The following PCSK6 variants were observed in gnomAD, a reference collection of about 807,000 sequenced individuals.
PCSK6 encodes proprotein convertase subtilisin/kexin type 6, also known as paired basic amino acid cleaving enzyme 4.
In PCSK6, 85 loss-of-function variants were observed where a neutral mutation model predicts 123.3. The observed-to-expected ratio is 0.69, with a 90% CI of 0.58 to 0.83. The LOEUF (loss-of-function observed/expected upper bound fraction) is 0.83, where lower values mean the gene tolerates loss of function less well. PCSK6 is among the 40% of genes least tolerant of loss of function. The pLI, the probability that PCSK6 is intolerant of heterozygous loss-of-function variation, is 0.00. For missense variants in PCSK6, 1,191 were observed against 1,282.3 expected (o/e 0.93, Z 1.09); for synonymous variants, 508 against 516.0 (o/e 0.98, Z 0.21).
chr15:101,457,131 C>T (rs991137724), intron 1 of PCSK6, among the ~76,000 whole-genome samples: 3 of 152,030 alleles, frequency 2.0e-5, no homozygotes, highest in Admixed American at 6.6e-5. Flanking sequence ...AAGATCGTGC[C>T]ACCGCACTCC....
intron 1 of PCSK6, among the ~76,000 whole-genome samples, chr15:101,449,621 G>A (rs998855926): frequency 3.9e-5 from 6 of 152,160 alleles, no homozygotes; most frequent in African/African-American, 9.7e-5. Flanking sequence ...GTACATGTCA[G>A]CTTCACCTGA....
intron 1 of PCSK6, among the ~76,000 whole-genome samples, chr15:101,488,224 C>A (rs2058065406): frequency 6.6e-6 from 1 of 152,308 alleles, no homozygotes; most frequent in East Asian, 1.9e-4. Context: ...AGTTATGAGT[C>A]GGTGCTTCCC....
rs1229849735 is a variant in PCSK6, at chr15:101,389,595, G to C, written c.1210-31C>G. The C allele has an allele frequency of 1.9e-6, 3 of 1,546,810 alleles. No homozygotes were observed. The Admixed American group carries it at 5.2e-5, about 27-fold the overall frequency. ...GGAGAGAGAAGCACAGTGAGGCAGTGATGGCAGACAGGCTAACTCACTCTG... is the reference window on the plus strand; with the variant it reads ...GGAGAGAGAAGCACAGTGAGGCAGTCATGGCAGACAGGCTAACTCACTCTG... On this transcript the variant is annotated intron_variant, in intron 8 of 21. Transcript: ENST00000611716.
At chr15:101,434,700 A>G (rs902394111) in intron 2 of PCSK6, among the ~76,000 whole-genome samples, 7 of 152,204 alleles carry the variant, frequency 4.6e-5, no homozygotes, top group Non-Finnish European at 5.9e-5. Flanking sequence ...TCTCAGGCCA[A>G]TGGAACCGAA....
intron 13 of PCSK6, among the ~76,000 whole-genome samples, chr15:101,341,297 G>A (rs1316719057): frequency 6.8e-6 from 1 of 146,286 alleles, no homozygotes; most frequent in Non-Finnish European, 1.5e-5. Flanking sequence ...TATCCAGGCT[G>A]GAGTGCAGTG....
intron 13 of PCSK6, among the ~76,000 whole-genome samples, chr15:101,358,087 G>A (rs998477178): frequency 2.6e-5 from 4 of 152,160 alleles, no homozygotes; most frequent in Non-Finnish European, 5.9e-5. Flanking sequence ...CCAGTGGATC[G>A]GGTGGGGAAG....
At chr15:101,478,350 C>T (rs556286884) in intron 1 of PCSK6, among the ~76,000 whole-genome samples, 25 of 152,190 alleles carry the variant, frequency 1.6e-4, no homozygotes, top group Admixed American at 1.2e-3. Flanking sequence ...ATCCGAGGAC[C>T]CAGTTGCTAT....
At chr15:101,353,019 C>T (rs965322616) in intron 13 of PCSK6, among the ~76,000 whole-genome samples, 5 of 152,152 alleles carry the variant, frequency 3.3e-5, no homozygotes, top group African/African-American at 7.2e-5. Flanking sequence ...GCTGGGGATC[C>T]GGTGGGGAGC....
rs547009169 is a variant in PCSK6 at position 101,378,336 on chromosome 15, C to T, written c.1532+3756G>A. Among the ~76,000 whole-genome samples the T allele has an allele frequency of 8.7e-4, 133 of 152,202 alleles. 8 individuals are homozygous for T. The highest frequency in any genetic ancestry group is 1.4e-4 in the African/African-American group (6 of 41,448). ...GACGTGCCTCTGGTCTACGGTCTGA[C>T]GATCACAACAGAGGCCCAGGCACAG... On this transcript the variant is annotated intron_variant, in intron 11 of 21. Transcript: ENST00000611716.
intron 1 of PCSK6, among the ~76,000 whole-genome samples, chr15:101,450,808 G>T (rs2057015257): frequency 6.6e-6 from 1 of 152,170 alleles, no homozygotes; most frequent in Middle Eastern, 3.4e-3. Flanking sequence ...TCGGGAGGAG[G>T]CTATGGAGCC....
At chr15:101,340,713 T>C (rs1026566235) in intron 13 of PCSK6, among the ~76,000 whole-genome samples, 2 of 152,200 alleles carry the variant, frequency 1.3e-5, no homozygotes, top group Non-Finnish European at 1.5e-5. Flanking sequence ...CCTAGGAAGC[T>C]GAGAATTCAG....
At chr15:101,475,888 T>C (rs770401240) in intron 1 of PCSK6, among the ~76,000 whole-genome samples, 7 of 152,122 alleles carry the variant, frequency 4.6e-5, no homozygotes, top group Admixed American at 2.0e-4. Flanking sequence ...AATATGACAA[T>C]TGGTCATCAC....
rs754312913 is a variant in PCSK6 at position 101,324,912 on chromosome 15, T to C, written c.2315A>G (p.Tyr772Cys). 5.0e-6 allele frequency: 8 copies of C among 1,613,514 alleles called. No homozygotes were observed. The highest frequency in any genetic ancestry group is 3.3e-5 in the South Asian group (3 of 91,088). Residue 772 changes from tyrosine (Y) to cysteine (C), a missense_variant, in exon 17 of 22, where the codon TAT becomes TGT. By Grantham distance (194) the Tyr-to-Cys change is radical. Coordinates refer to ENST00000611716, the MANE Select transcript of PCSK6 (RefSeq NM_002570.5). ...TQCLSCRRGF[Y>C]HHQEMNTCVT... ...ACAGGTGTTCATCTCCTGGTGGTGA[T>C]AGAACCCGCGGCGGCAAGACAGGCA...
chr15:101,427,678 C>T (rs543504785), intron 6 of PCSK6, among the ~76,000 whole-genome samples: 1 of 152,342 alleles, frequency 6.6e-6, no homozygotes, highest in East Asian at 1.9e-4. Flanking sequence ...GCTTTTCAGG[C>T]AAAACAGTAA....
chr15:101,403,371 T>C (rs1164653781), intron 6 of PCSK6, among the ~76,000 whole-genome samples: 3 of 150,718 alleles, frequency 2.0e-5, no homozygotes, highest in Non-Finnish European at 4.4e-5. Context: ...TGTACACATA[T>C]GTAACTAACC....
chr15:101,340,683 C>T (rs1458655775), intron 13 of PCSK6, among the ~76,000 whole-genome samples: 2 of 152,154 alleles, frequency 1.3e-5, no homozygotes, highest in Non-Finnish European at 2.9e-5. Flanking sequence ...TGATGTTAGA[C>T]ATTGTCCAGT....
chr15:101,398,180 G>C lies in PCSK6; in HGVS notation c.996+224C>G. Among the ~76,000 whole-genome samples the C allele has an allele frequency of 6.6e-6, 1 of 152,212 alleles. No individual in the cohort carries two copies. Among genetic ancestry groups the C allele is most frequent in the Admixed American group, 6.5e-5 (1 of 15,284 alleles). The stretch of plus-strand genomic sequence containing the variant: ...AGCAGTGGCCACCTGGCTGTCACTG[G>C]AACAGCTGTTCTGGAACGAGGCAAA... On this transcript the variant is annotated intron_variant, in intron 7 of 21. Coordinates refer to ENST00000611716, the MANE Select transcript of PCSK6 (RefSeq NM_002570.5). This position sits in a 1 kb window ranked among gnomAD's most constrained non-coding sequence, Gnocchi z 4.6.
chr15:101,374,013 C>T (rs987114166), intron 11 of PCSK6, among the ~76,000 whole-genome samples: 6 of 152,174 alleles, frequency 3.9e-5, no homozygotes, highest in South Asian at 2.1e-4. Context: ...AGGGAGTCCA[C>T]GGAGTTAAAT....
chr15:101,426,438 A>G (rs560856940), intron 6 of PCSK6, among the ~76,000 whole-genome samples: 1 of 152,328 alleles, frequency 6.6e-6, no homozygotes, highest in Admixed American at 6.5e-5. Context: ...TGCACCCATC[A>G]TCAAAGGCTC....
Sources: allele counts gnomAD v4.1 joint callset (sites outside exome capture counted in the v4.1 genomes callset), GRCh38; gene constraint gnomAD v4.1.1; non-coding constraint Gnocchi (gnomAD v3.1); transcripts MANE v1.5; gene names NCBI Gene and HGNC (gene_info 2026-07-23, HGNC 2026-07-21).